The following IQCH variants were observed in gnomAD, a reference collection of about 807,000 sequenced individuals.
IQCH encodes IQ motif containing H.
IQCH carries 98 observed loss-of-function variants against 117.0 expected under a neutral mutation model. The ratio of observed to expected loss-of-function variants is 0.84; its 90% CI spans 0.71 to 0.99. The LOEUF (loss-of-function observed/expected upper bound fraction) is 0.99. Ranked by LOEUF, IQCH falls within the 50% of genes least tolerant of loss-of-function variation. The probability of loss-of-function intolerance (pLI) is 0.00; values close to 1 mark genes in which losing one functional copy is unlikely to be tolerated. For synonymous variants in IQCH, 412 were observed against 448.2 expected, an observed-to-expected ratio of 0.92 and a Z score of 1.02; for missense variants, 1,102 against 1,243.8, an observed-to-expected ratio of 0.89 and a Z score of 1.72.
At chr15:67,492,907 C>T (rs529445542) in intron 19 of IQCH, among the ~76,000 whole-genome samples, 106 of 152,276 alleles carry the variant, frequency 7.0e-4, no homozygotes, top group African/African-American at 2.5e-3. Context: ...GACCTAGCAG[C>T]AAGGTGGATC....
Position 67,463,932 on chromosome 15 carries a change from T to C in IQCH, c.2506-1195T>C, listed in dbSNP as rs1199031829. 4.6e-5 allele frequency among the ~76,000 whole-genome samples: 7 copies of C among 152,194 alleles called. No individual in the cohort carries two copies. Among genetic ancestry groups the C allele is most frequent in the African/African-American group, 1.7e-4 (7 of 41,438 alleles). Reference sequence around the variant, plus strand: ...ATCTCGGCTCACTGAAACCTCTGCCTCCTGGGTTCAAGCGATTCTCGTGCC... The same window carrying C: ...ATCTCGGCTCACTGAAACCTCTGCCCCCTGGGTTCAAGCGATTCTCGTGCC... On this transcript the variant is annotated intron_variant, in intron 16 of 20. Coordinates refer to ENST00000335894, the MANE Select transcript of IQCH (RefSeq NM_001031715.3). The surrounding 1 kb of genome is among the most constrained non-coding windows in gnomAD (Gnocchi z 4.0).
At chr15:67,306,770 T>C in intron 4 of IQCH, 1 of 1,219,550 alleles carries the variant, frequency 8.2e-7, no homozygotes, top group South Asian at 1.3e-5. Context: ...TGGTGATTTT[T>C]TCAATATCTT....
chr15:67,433,503 C>T lies in IQCH; in HGVS notation c.2505+11926C>T, dbSNP rs766454479. Among the ~76,000 whole-genome samples, 3 of 152,200 alleles carry T rather than the reference C, an allele frequency of 2.0e-5. No homozygotes were observed. Among genetic ancestry groups the T allele is most frequent in the Non-Finnish European group, 2.9e-5 (2 of 68,036 alleles). On this transcript the variant is annotated intron_variant, in intron 16 of 20. Transcript: ENST00000335894. This position sits in a 1 kb window ranked among gnomAD's most constrained non-coding sequence, Gnocchi z 5.4. The stretch of plus-strand genomic sequence containing the variant: ...CTTGGGTAGGATTTTGGTTGATCTG[C>T]ATATAACGGACCTAATTCCTCTGTT...
chr15:67,489,523 T>G (rs2083590704), intron 18 of IQCH, among the ~76,000 whole-genome samples: 2 of 7,896 alleles, frequency 2.5e-4, no homozygotes, highest in African/African-American at 1.3e-3. Flanking sequence ...CCTCCTGGGC[T>G]CACTGCAACC....
chr15:67,321,130 A>G (rs574096804), intron 4 of IQCH, among the ~76,000 whole-genome samples: 120 of 152,252 alleles, frequency 7.9e-4, no homozygotes, highest in African/African-American at 2.8e-3. Flanking sequence ...CATTAGTCAC[A>G]TTTTACCATA....
Position 67,494,349 on chromosome 15 carries a change from G to A in IQCH, c.2953G>A (p.Gly985Ser). Residue 985 changes from glycine to serine, a missense_variant, in exon 20 of 21, where the codon GGC becomes AGC. Coordinates refer to ENST00000335894, the MANE Select transcript of IQCH (RefSeq NM_001031715.3). This position sits in a 1 kb window ranked among gnomAD's most constrained non-coding sequence, Gnocchi z 5.5. ...AGAAATATCAGCACCTAATATGCAA[G>A]GCGAGACCAATTTTAAGGTGAGGTG... is the stretch of plus-strand genomic sequence containing the variant. The part of the protein sequence containing the change: ...HQEISAPNMQ[G>S]ETNFKTTIAD... 6.2e-7 allele frequency: 1 copy of A among 1,611,704 alleles called. No homozygotes were observed. The highest frequency in any genetic ancestry group is 1.1e-5 in the South Asian group (1 of 90,390).
chr15:67,353,854 C>T (rs1969775599), intron 6 of IQCH, among the ~76,000 whole-genome samples: 1 of 151,850 alleles, frequency 6.6e-6, no homozygotes, highest in Non-Finnish European at 1.5e-5. Context: ...GAAAAATTTC[C>T]TAGAAAAATG....
At chr15:67,354,393 A>C (rs1249759877) in intron 6 of IQCH, among the ~76,000 whole-genome samples, 1 of 152,208 alleles carries the variant, frequency 6.6e-6, no homozygotes, top group Non-Finnish European at 1.5e-5. Context: ...ATACTATTCA[A>C]CATTAATGAT....
chr15:67,340,425 T>A (rs1489106352), intron 5 of IQCH, among the ~76,000 whole-genome samples: 1 of 12,644 alleles, frequency 7.9e-5, no homozygotes, highest in African/African-American at 3.4e-4. Flanking sequence ...ATACTCCATC[T>A]CAAAAAAAAA....
At chr15:67,382,691 G>A (rs1970974250) in intron 10 of IQCH, among the ~76,000 whole-genome samples, 1 of 152,158 alleles carries the variant, frequency 6.6e-6, no homozygotes, top group South Asian at 2.1e-4. Flanking sequence ...TGTGACCTTG[G>A]ACAAGAGACA....
intron 6 of IQCH, among the ~76,000 whole-genome samples, chr15:67,347,144 A>G (rs1969431920): frequency 6.6e-6 from 1 of 151,774 alleles, no homozygotes; most frequent in African/African-American, 2.4e-5. Flanking sequence ...AATTATACCC[A>G]AGCAAGCAGC....
At chr15:67,271,212 C>A (rs1032251883) in intron 3 of IQCH, among the ~76,000 whole-genome samples, 2 of 152,196 alleles carry the variant, frequency 1.3e-5, no homozygotes, top group African/African-American at 4.8e-5. Context: ...TTGTGATCCG[C>A]CCAGCTTGGC....
chr15:67,423,532 G>A (rs756179509), intron 16 of IQCH, among the ~76,000 whole-genome samples: 3 of 150,284 alleles, frequency 2.0e-5, no homozygotes. Context: ...CCTCTGCAGT[G>A]AGCCAGGATC....
chr15:67,261,167 G>T, intron 1 of IQCH, 105 bp from the exon 2 acceptor site: 1 of 674,648 alleles, frequency 1.5e-6, no homozygotes. Context: ...AATCAGCTTT[G>T]TGTCTCTACC....
chr15:67,454,067 A>C lies in IQCH; in HGVS notation c.2506-11060A>C, dbSNP rs190493083. On this transcript the variant is annotated intron_variant, in intron 16 of 20. Transcript: ENST00000335894. This position sits in a 1 kb window ranked among gnomAD's most constrained non-coding sequence, Gnocchi z 5.2. ...TAATCTCCTGGTGTGCTGTTTTTTA[A>C]GCCCGTTGGAAAAGCGCAGTATTAG... 6.6e-6 allele frequency among the ~76,000 whole-genome samples: 1 copy of C among 152,318 alleles called. No homozygotes were observed. The highest frequency in any genetic ancestry group is 1.5e-5 in the Non-Finnish European group (1 of 68,018).
chr15:67,367,959 C>G (rs1970394125), intron 8 of IQCH, among the ~76,000 whole-genome samples: 1 of 152,172 alleles, frequency 6.6e-6, no homozygotes, highest in South Asian at 2.1e-4. Flanking sequence ...AGTCATTTAA[C>G]CTCTCTGAGC....
At chr15:67,301,611 T>C (rs1167092566) in intron 4 of IQCH, among the ~76,000 whole-genome samples, 2 of 151,882 alleles carry the variant, frequency 1.3e-5, no homozygotes, top group African/African-American at 2.4e-5. Flanking sequence ...GGTTTCACCA[T>C]GTTGGCCAGG....
chr15:67,282,773 C>A (rs1307196349), intron 4 of IQCH, among the ~76,000 whole-genome samples: 1 of 152,166 alleles, frequency 6.6e-6, no homozygotes, highest in Non-Finnish European at 1.5e-5. Flanking sequence ...ACCCCAGTCA[C>A]TTCTTTAAGC....
chr15:67,336,278 A>G (rs978526338), intron 4 of IQCH, among the ~76,000 whole-genome samples: 3 of 152,190 alleles, frequency 2.0e-5, no homozygotes, highest in African/African-American at 7.2e-5. Context: ...CCCTGCTGAG[A>G]GAACCCAGGT....
Sources: allele counts gnomAD v4.1 joint callset (sites outside exome capture counted in the v4.1 genomes callset), GRCh38; gene constraint gnomAD v4.1.1; non-coding constraint Gnocchi (gnomAD v3.1); transcripts MANE v1.5; gene names NCBI Gene and HGNC (gene_info 2026-07-23, HGNC 2026-07-21).